Variants in C12orf42 observed in about 807,000 individuals in gnomAD.
The protein encoded by C12orf42 is uncharacterized protein C12orf42.
In C12orf42, 25 loss-of-function variants were observed where a neutral mutation model predicts 21.6. That is an observed-to-expected ratio of 1.16 (90% confidence interval 0.84 to 1.62). The LOEUF is 1.62. Among genes scored for constraint, C12orf42 ranks in the 40% most tolerant of loss-of-function variants. The pLI, the probability that C12orf42 is intolerant of heterozygous loss-of-function variation, is 0.00. For missense variants in C12orf42, 483 were observed against 459.3 expected, an observed-to-expected ratio of 1.05 and a Z score of -0.47; for synonymous variants, 174 against 175.0, an observed-to-expected ratio of 0.99 and a Z score of 0.05.
chr12:103,280,792 C>T (rs1357623074), intron 4 of C12orf42, among the ~76,000 whole-genome samples: 2 of 152,188 alleles, frequency 1.3e-5, no homozygotes, highest in African/African-American at 4.8e-5. Context: ...CCACACGAAC[C>T]TATGGATTAG....
At chr12:103,319,855 T>C (rs986088784) in intron 4 of C12orf42, among the ~76,000 whole-genome samples, 2 of 152,222 alleles carry the variant, frequency 1.3e-5, no homozygotes, top group African/African-American at 4.8e-5. Context: ...ACATCTTCCA[T>C]GTCATTTCCA....
chr12:103,508,016 G>A, the C12orf42 span, among the ~76,000 whole-genome samples: 6 of 152,114 alleles, frequency 3.9e-5, no homozygotes, highest in African/African-American at 1.4e-4. Context: ...CCCTCAGCCT[G>A]GCTCTCTAAC....
intron 2 of C12orf42, among the ~76,000 whole-genome samples, chr12:103,436,050 C>A (rs556553566): frequency 5.3e-5 from 8 of 152,176 alleles, no homozygotes; most frequent in South Asian, 4.2e-4. Context: ...AACAGCGGAT[C>A]TCTCGGCAGA....
the C12orf42 span, among the ~76,000 whole-genome samples, chr12:103,541,891 C>G: frequency 2.0e-5 from 3 of 152,146 alleles, no homozygotes; most frequent in Admixed American, 2.0e-4. Flanking sequence ...GGTGGAAAAT[C>G]AGTGATGGTT....
the C12orf42 span, among the ~76,000 whole-genome samples, chr12:103,056,235 T>C: frequency 1.3e-5 from 2 of 152,148 alleles, no homozygotes; most frequent in African/African-American, 4.8e-5. Flanking sequence ...GGTGCCTACA[T>C]ATTTAGGCTT....
intron 1 of C12orf42, among the ~76,000 whole-genome samples, chr12:103,482,272 G>A (rs1033312680): frequency 2.0e-5 from 3 of 151,994 alleles, no homozygotes; most frequent in African/African-American, 4.8e-5. Flanking sequence ...AGGTCTGTTT[G>A]GAAACGTCTT....
intron 4 of C12orf42, among the ~76,000 whole-genome samples, chr12:103,327,348 A>G (rs545483172): frequency 6.6e-6 from 1 of 152,320 alleles, no homozygotes; most frequent in East Asian, 1.9e-4. Flanking sequence ...TATATAGGAA[A>G]CCAAGTTAAA....
intron 2 of C12orf42, among the ~76,000 whole-genome samples, chr12:103,429,293 G>A (rs796345386): frequency 1.3e-5 from 2 of 152,094 alleles, no homozygotes; most frequent in Admixed American, 6.6e-5. Context: ...AAATCAATGT[G>A]CAAAAATCAC....
chr12:103,307,100 G>A (rs2038421610), intron 4 of C12orf42, among the ~76,000 whole-genome samples: 1 of 152,192 alleles, frequency 6.6e-6, no homozygotes, highest in Non-Finnish European at 1.5e-5. Context: ...CAAACTGAGA[G>A]AATACATTTC....
At chr12:103,220,292 T>C in the C12orf42 span, among the ~76,000 whole-genome samples, 1 of 152,126 alleles carries the variant, frequency 6.6e-6, no homozygotes, top group African/African-American at 2.4e-5. Flanking sequence ...AAATACCTAA[T>C]GCAGATGACG....
chr12:103,344,802 G>A lies in C12orf42; in HGVS notation c.259+24085C>T, dbSNP rs200540036. On this transcript the variant is annotated intron_variant, in intron 4 of 5. Transcript: ENST00000548883. ...AAGAAGAGTGAGGCAAGAGAAGACA[G>A]AGAGAGAGAGGCAGCTTTGGGAAAG... 3.2e-4 allele frequency among the ~76,000 whole-genome samples: 48 copies of A among 152,106 alleles called. No individual in the cohort carries two copies. In the East Asian group the frequency reaches 7.9e-3, roughly 25 times the overall value.
intron 4 of C12orf42, among the ~76,000 whole-genome samples, chr12:103,287,708 TAAAA>T (rs1213203462): frequency 1.8e-5 from 2 of 111,346 alleles, no homozygotes; most frequent in Non-Finnish European, 4.0e-5. Flanking sequence ...AGTATAATAA[TAAAA>T]AAAAAAAACA....
chr12:103,145,044 A>G, the C12orf42 span, among the ~76,000 whole-genome samples: 1 of 152,186 alleles, frequency 6.6e-6, no homozygotes, highest in African/African-American at 2.4e-5. Context: ...AGTAGACATC[A>G]TCTTTTCCCA....
In C12orf42 at chr12:103,468,617, G is replaced by C. The variant is rs140101342; in HGVS notation, c.78+9732C>G. Among the ~76,000 whole-genome samples, 157 of 152,128 alleles carry C rather than the reference G, an allele frequency of 1.0e-3. 1 individual carries two copies. The highest frequency in any genetic ancestry group is 3.7e-3 in the African/African-American group (155 of 41,512). On this transcript the variant is annotated intron_variant, in intron 2 of 5. Coordinates refer to ENST00000548883, the MANE Select transcript of C12orf42 (RefSeq NM_198521.5). ...CCTCCCCATTCTTGGTGTTTAACAG[G>C]AGGCAGCGACTTTAGAATTCTCTCC...
intron 1 of C12orf42, among the ~76,000 whole-genome samples, chr12:103,487,817 C>CCTCCAT (rs1456932518): frequency 6.6e-6 from 1 of 152,168 alleles, no homozygotes; most frequent in African/African-American, 2.4e-5. Context: ...GGTAGATCTT[C>CCTCCAT]CTCCATCCCT....
chr12:103,300,420 G>A (rs2037572208), downstream of C12orf42, among the ~76,000 whole-genome samples: 1 of 152,094 alleles, frequency 6.6e-6, no homozygotes, highest in South Asian at 2.1e-4. Context: ...AACACACTTT[G>A]GGAAACTTCT....
intron 4 of C12orf42, among the ~76,000 whole-genome samples, chr12:103,317,975 G>T (rs1593407099): frequency 6.6e-6 from 1 of 152,108 alleles, no homozygotes; most frequent in Admixed American, 6.5e-5. Flanking sequence ...CAGACATAGG[G>T]GTGAAGCCCA....
chr12:103,379,748 A>G (rs2046007352), intron 3 of C12orf42, among the ~76,000 whole-genome samples: 2 of 152,230 alleles, frequency 1.3e-5, no homozygotes, highest in African/African-American at 2.4e-5. Flanking sequence ...TCATTAGCCA[A>G]TAAAGCCAGG....
chr12:103,461,094 A>G (rs1952669308), intron 2 of C12orf42, among the ~76,000 whole-genome samples: 1 of 152,198 alleles, frequency 6.6e-6, no homozygotes, highest in Admixed American at 6.5e-5. Context: ...TCAAAAAAGC[A>G]ATACAATAAT....
Sources: allele counts gnomAD v4.1 joint callset (sites outside exome capture counted in the v4.1 genomes callset), GRCh38; gene constraint gnomAD v4.1.1; transcripts MANE v1.5; gene names NCBI Gene and HGNC (gene_info 2026-07-23, HGNC 2026-07-21).